Variants in HDAC9 observed in about 807,000 individuals in gnomAD.
HDAC9 encodes histone deacetylase 9.
HDAC9 carries 41 observed loss-of-function variants against 139.4 expected under a neutral mutation model. The observed-to-expected ratio is 0.29, with a 90% CI of 0.23 to 0.38. HDAC9 has a LOEUF of 0.38. HDAC9 is among the 10% of genes least tolerant of loss of function. HDAC9 has a pLI of 1.00. For synonymous variants in HDAC9, 517 were observed against 476.2 expected, an observed-to-expected ratio of 1.09 and a Z score of -1.12; for missense variants, 1,147 against 1,297.0, an observed-to-expected ratio of 0.88 and a Z score of 1.78.
At chr7:18,195,034 T>A (rs1790627995) in intron 2 of HDAC9, among the ~76,000 whole-genome samples, 1 of 152,132 alleles carries the variant, frequency 6.6e-6, no homozygotes, top group Non-Finnish European at 1.5e-5. Flanking sequence ...TTTTAACTAA[T>A]ATTACTTAAA....
chr7:18,099,600 T>G (rs1206744662), intron 1 of HDAC9, among the ~76,000 whole-genome samples: 2 of 152,232 alleles, frequency 1.3e-5, no homozygotes, highest in East Asian at 3.8e-4. Context: ...ACATCATATA[T>G]TCACCTTAAC....
chr7:18,710,254 A>C (rs1330594613), intron 12 of HDAC9, among the ~76,000 whole-genome samples: 1 of 152,228 alleles, frequency 6.6e-6, no homozygotes, highest in Non-Finnish European at 1.5e-5. Flanking sequence ...TATGAGAGCT[A>C]CAATTCAAGG....
intron 1 of HDAC9, chr7:18,325,670 T>C (rs1800382985): frequency 6.6e-6 from 1 of 151,934 alleles, no homozygotes; most frequent in South Asian, 2.1e-4. Context: ...CATGGTCTAG[T>C]GTAATCTAAG....
intron 1 of HDAC9, among the ~76,000 whole-genome samples, chr7:18,349,752 A>G (rs1782711332): frequency 6.6e-6 from 1 of 152,128 alleles, no homozygotes; most frequent in Non-Finnish European, 1.5e-5. Context: ...CGCCAACAGG[A>G]ATAGCACTAT....
chr7:18,989,166 C>G (rs922545334), intron 25 of HDAC9, among the ~76,000 whole-genome samples: 2 of 148,482 alleles, frequency 1.3e-5, no homozygotes, highest in African/African-American at 5.1e-5. Flanking sequence ...TCTCGATGGT[C>G]TTTACATTTT....
intron 22 of HDAC9, among the ~76,000 whole-genome samples, chr7:18,921,706 G>C (rs1235108510): frequency 6.6e-6 from 1 of 152,100 alleles, no homozygotes; most frequent in Non-Finnish European, 1.5e-5. Flanking sequence ...AATACCATTT[G>C]ACCCAGCCAT....
At chr7:18,502,741 A>G (rs1325467226) in intron 2 of HDAC9, 2 of 152,312 alleles carry the variant, frequency 1.3e-5, no homozygotes, top group South Asian at 2.1e-4. Flanking sequence ...CCTAATAAAG[A>G]GACTGAAGTA....
intron 1 of HDAC9, among the ~76,000 whole-genome samples, chr7:18,337,667 A>G (rs866164329): frequency 3.3e-5 from 5 of 151,732 alleles, no homozygotes; most frequent in African/African-American, 1.2e-4. Flanking sequence ...CTTCATTACC[A>G]TTGAGTAGAA....
chr7:18,854,704 T>C (rs1797548109), intron 21 of HDAC9, among the ~76,000 whole-genome samples: 1 of 151,878 alleles, frequency 6.6e-6, no homozygotes, highest in South Asian at 2.1e-4. Flanking sequence ...AAAAGTCTAA[T>C]AGAAGAGTAA....
chr7:18,640,821 G>C (rs1177221974), intron 8 of HDAC9, among the ~76,000 whole-genome samples: 1 of 152,014 alleles, frequency 6.6e-6, no homozygotes, highest in Non-Finnish European at 1.5e-5. Flanking sequence ...CATCGTGGGT[G>C]CTGCCGCGTA....
At chr7:18,418,729 A>T (rs1789330827) in intron 1 of HDAC9, among the ~76,000 whole-genome samples, 1 of 151,410 alleles carries the variant, frequency 6.6e-6, no homozygotes, top group African/African-American at 2.4e-5. Flanking sequence ...AATCGTAAGA[A>T]TTTTTTTTTA....
chr7:18,227,467 A>G (rs1793136462), intron 2 of HDAC9, among the ~76,000 whole-genome samples: 1 of 152,214 alleles, frequency 6.6e-6, no homozygotes, highest in African/African-American at 2.4e-5. Context: ...TTGCATGATC[A>G]CACACAAAGT....
intron 6 of HDAC9, among the ~76,000 whole-genome samples, chr7:18,599,096 A>G (rs1833259432): frequency 6.6e-6 from 1 of 152,244 alleles, no homozygotes; most frequent in African/African-American, 2.4e-5. Flanking sequence ...TGTGCTCACT[A>G]GGGCCAGAGT....
chr7:18,204,447 G>T, intron 2 of HDAC9, among the ~76,000 whole-genome samples: 1 of 150,294 alleles, frequency 6.7e-6, no homozygotes. Context: ...TTTAACAAAT[G>T]GCTTTTCAAG....
intron 2 of HDAC9, among the ~76,000 whole-genome samples, chr7:18,498,626 GAA>G (rs1797572555): frequency 6.6e-6 from 1 of 152,100 alleles, no homozygotes. Context: ...TTGAAAGAGA[GAA>G]AGGATGCCTG....
chr7:18,926,148 A>G (rs1302843758), intron 22 of HDAC9, among the ~76,000 whole-genome samples: 1 of 152,186 alleles, frequency 6.6e-6, no homozygotes. Context: ...CAGGAGTTCT[A>G]GACCAGCCTG....
At chr7:18,113,740 C>T (rs576137865) in intron 1 of HDAC9, among the ~76,000 whole-genome samples, 1 of 152,080 alleles carries the variant, frequency 6.6e-6, no homozygotes, top group Admixed American at 6.6e-5. Flanking sequence ...ATTAGTTTTC[C>T]TGTATTAAAA....
chr7:18,772,260 T>C (rs1417719726), intron 16 of HDAC9, among the ~76,000 whole-genome samples: 1 of 152,072 alleles, frequency 6.6e-6, no homozygotes, highest in Non-Finnish European at 1.5e-5. Flanking sequence ...GTTCAGGCAA[T>C]AGAACACACC....
intron 1 of HDAC9, among the ~76,000 whole-genome samples, chr7:18,337,988 T>G (rs1781707193): frequency 6.6e-6 from 1 of 151,730 alleles, no homozygotes; most frequent in Non-Finnish European, 1.5e-5. Flanking sequence ...AGATAATCAA[T>G]GTGAAAATGC....
Sources: gnomAD v4.1 joint callset for allele counts (sites outside exome capture counted in the v4.1 genomes callset) on GRCh38, gnomAD v4.1.1 for gene constraint, MANE v1.5 for transcripts, NCBI Gene and HGNC (gene_info 2026-07-23, HGNC 2026-07-21) for gene names.